Variants in HOMER2 observed in about 807,000 individuals in gnomAD.
HOMER2 encodes homer scaffold protein 2.
HOMER2 carries 27 observed loss-of-function variants against 47.0 expected under a neutral mutation model. That is an observed-to-expected ratio of 0.57 (90% confidence interval 0.42 to 0.79). HOMER2 has a LOEUF of 0.79. HOMER2 is among the 30% of genes least tolerant of loss of function. The pLI, the probability that HOMER2 is intolerant of heterozygous loss-of-function variation, is 0.00. For missense variants in HOMER2, 443 were observed against 435.0 expected (o/e 1.02, Z -0.16); for synonymous variants, 161 against 163.8 (o/e 0.98, Z 0.13).
chr15:82,873,210 C>T (rs1369889348), intron 3 of HOMER2, among the ~76,000 whole-genome samples: 1 of 152,186 alleles, frequency 6.6e-6, no homozygotes, highest in Non-Finnish European at 1.5e-5. Flanking sequence ...AGCATCACAC[C>T]TCTAGGCACC....
chr15:82,959,518 G>A (rs1234448827), intron 1 of HOMER2, among the ~76,000 whole-genome samples: 1 of 152,198 alleles, frequency 6.6e-6, no homozygotes, highest in Non-Finnish European at 1.5e-5. Context: ...GCACAGTTCT[G>A]AGGATCCAAG....
rs2052059160 is a variant in HOMER2, at chr15:82,868,535, A to AT, written c.295-4277dup. Among the ~76,000 whole-genome samples, 3 of 60,452 alleles carry AT rather than the reference A, an allele frequency of 5.0e-5. 1 individual carries two copies. Among genetic ancestry groups the AT allele is most frequent in the Non-Finnish European group, 1.0e-4 (3 of 28,656 alleles). 39.7% of individuals were successfully genotyped at this position (60,452 alleles called of 152,430 possible). ...TCACTTATTTATTTTATATATATAT[A>AT]TATATATTTTTTTTTTTTTTTTTCC... On this transcript the variant is annotated intron_variant, in intron 3 of 8. Coordinates refer to ENST00000450735, the MANE Select transcript of HOMER2 (RefSeq NM_004839.4).
chr15:82,857,551 C>T (rs1393472521), intron 5 of HOMER2, among the ~76,000 whole-genome samples: 1 of 151,634 alleles, frequency 6.6e-6, no homozygotes, highest in African/African-American at 2.4e-5. Context: ...CTGCCTCAGC[C>T]TCCTGAGTAG....
At position 82,849,651 on chromosome 15, in the gene HOMER2, T is replaced by C. The variant is rs76267893; in HGVS notation, c.*64A>G. Reference sequence around the variant, plus strand: ...AAGCAATGCACACAGAAGAACGTCCTAGAGCTATCTGGTCTCGCACACACG... The same window carrying C: ...AAGCAATGCACACAGAAGAACGTCCCAGAGCTATCTGGTCTCGCACACACG... On this transcript the variant is annotated 3_prime_UTR_variant, in exon 9 of 9. Transcript: ENST00000450735. 5.7e-5 allele frequency: 82 copies of C among 1,442,002 alleles called. No homozygotes were observed. In the African/African-American group the frequency reaches 1.1e-3, roughly 20 times the overall value. The allele number at this position is 1,442,002 out of a possible 1,614,324, so 89.3% of individuals were successfully genotyped here. A position where few individuals can be genotyped will look rare whatever the true frequency, so the allele number is the denominator to read the frequency against.
chr15:82,976,322 G>A (rs1023082105), intron 1 of HOMER2, among the ~76,000 whole-genome samples: 5 of 151,596 alleles, frequency 3.3e-5, no homozygotes, highest in African/African-American at 4.9e-5. Context: ...TTTTTGAGAC[G>A]GAGTCCGCTC....
At chr15:82,866,222 TG>T (rs200273471) in intron 3 of HOMER2, among the ~76,000 whole-genome samples, 3,694 of 152,268 alleles carry the variant, frequency 0.024, 70 homozygotes, top group Non-Finnish European at 0.038. Flanking sequence ...ATGTGAGACA[TG>T]GATTAAAAGG....
At chr15:82,971,983 G>C (rs1464786175) in intron 1 of HOMER2, among the ~76,000 whole-genome samples, 1 of 152,184 alleles carries the variant, frequency 6.6e-6, no homozygotes, top group Non-Finnish European at 1.5e-5. Flanking sequence ...TTTCAACCAA[G>C]TGCTTCAAGG....
intron 1 of HOMER2, among the ~76,000 whole-genome samples, chr15:82,959,541 GA>G (rs2054613352): frequency 6.6e-6 from 1 of 152,304 alleles, no homozygotes; most frequent in African/African-American, 2.4e-5. Flanking sequence ...ATAGATGGTG[GA>G]AGTATACGCA....
chr15:82,958,275 G>A (rs915278930), exon 2 of HOMER2: 2 of 152,274 alleles, frequency 1.3e-5, no homozygotes, highest in African/African-American at 4.8e-5. Context: ...TGTGAGTTGG[G>A]TCCTCAAGGA....
At chr15:82,958,351 A>C (rs1432121835) in exon 2 of HOMER2, 6 of 152,246 alleles carry the variant, frequency 3.9e-5, no homozygotes, top group African/African-American at 1.4e-4. Flanking sequence ...ACACGGAGGC[A>C]TTAAAGGCCA....
intron 1 of HOMER2, among the ~76,000 whole-genome samples, chr15:82,894,092 C>T (rs921025122): frequency 6.6e-6 from 1 of 152,168 alleles, no homozygotes; most frequent in Non-Finnish European, 1.5e-5. Context: ...ATCCCTTCTG[C>T]TATTCTTGCC....
intron 1 of HOMER2, among the ~76,000 whole-genome samples, chr15:82,969,516 C>G (rs541629999): frequency 2.8e-4 from 42 of 152,310 alleles, no homozygotes; most frequent in African/African-American, 8.4e-4. Context: ...TTGTCAGCCT[C>G]TTTCTTCGTC....
At chr15:82,947,826 G>A (rs562421433) in intron 1 of HOMER2, among the ~76,000 whole-genome samples, 2 of 152,364 alleles carry the variant, frequency 1.3e-5, no homozygotes, top group South Asian at 4.1e-4. Context: ...GGCCTATTTG[G>A]TGCCAGGCAC....
intron 6 of HOMER2, among the ~76,000 whole-genome samples, chr15:82,853,582 G>A (rs1341639830): frequency 6.6e-6 from 1 of 152,176 alleles, no homozygotes; most frequent in African/African-American, 2.4e-5. Flanking sequence ...AATGGGACCT[G>A]TCCCCCTAAA....
intron 3 of HOMER2, among the ~76,000 whole-genome samples, chr15:82,874,866 C>A (rs898987277): frequency 6.6e-6 from 1 of 152,182 alleles, no homozygotes; most frequent in Non-Finnish European, 1.5e-5. Context: ...ATAGTAACAA[C>A]CCTCCGATAA....
chr15:82,849,986 T>C (rs2051339289), intron 8 of HOMER2, 83 bp from the exon 9 acceptor site: 3 of 1,391,546 alleles, frequency 2.2e-6, no homozygotes, highest in Non-Finnish European at 3.0e-6. Flanking sequence ...GAACCAACCA[T>C]TCTCCATCCA....
At chr15:82,855,344 A>AAAAG (rs1490069839) in intron 5 of HOMER2, among the ~76,000 whole-genome samples, 1 of 150,848 alleles carries the variant, frequency 6.6e-6, no homozygotes, top group Non-Finnish European at 1.5e-5. Context: ...AAAAAAAAAA[A>AAAAG]AAAAAGAAAA....
At chr15:82,856,409 A>C (rs2151614373) in intron 5 of HOMER2, among the ~76,000 whole-genome samples, 1 of 152,220 alleles carries the variant, frequency 6.6e-6, no homozygotes, top group South Asian at 2.1e-4. Context: ...TAAGCCCAGG[A>C]GTTTGGGACC....
intron 1 of HOMER2, among the ~76,000 whole-genome samples, chr15:82,900,360 C>A (rs907653441): frequency 6.6e-6 from 1 of 152,080 alleles, no homozygotes; most frequent in Non-Finnish European, 1.5e-5. Context: ...CAGAAGAAAA[C>A]TTTAATAAGA....
Sources: gnomAD v4.1 joint callset for allele counts (sites outside exome capture counted in the v4.1 genomes callset) on GRCh38, gnomAD v4.1.1 for gene constraint, MANE v1.5 for transcripts, NCBI Gene and HGNC (gene_info 2026-07-23, HGNC 2026-07-21) for gene names.